The following USP24 variants were observed in gnomAD, a reference collection of about 807,000 sequenced individuals.
USP24 encodes the protein ubiquitin carboxyl-terminal hydrolase 24.
USP24 carries 97 observed loss-of-function variants against 361.6 expected under a neutral mutation model. The observed-to-expected ratio is 0.27, with a 90% CI of 0.23 to 0.32. USP24 has a LOEUF of 0.32. Among genes scored for constraint, USP24 ranks in the 10% least tolerant of loss-of-function variants. The pLI, the probability that USP24 is intolerant of heterozygous loss-of-function variation, is 1.00. For missense variants in USP24, 2,353 were observed against 3,165.6 expected (o/e 0.74, Z 6.16); for synonymous variants, 1,098 against 1,124.6 (o/e 0.98, Z 0.47).
chr1:55,114,287 G>A lies in USP24; in HGVS notation c.4509-4041C>T, dbSNP rs190894909. On this transcript the variant is annotated intron_variant, in intron 38 of 67. Coordinates refer to ENST00000294383, the MANE Select transcript of USP24 (RefSeq NM_015306.3). Reference sequence around the variant, plus strand: ...AACATTCCATGCTCGTGCCCAGGAAGAATCAATGTTGTGAAAATGGCCACG... The same window carrying A: ...AACATTCCATGCTCGTGCCCAGGAAAAATCAATGTTGTGAAAATGGCCACG... Among the ~76,000 whole-genome samples, 916 of 152,294 alleles carry A rather than the reference G, an allele frequency of 6.0e-3. 4 individuals are homozygous for A. The highest frequency in any genetic ancestry group is 0.01 in the Non-Finnish European group (681 of 68,028).
chr1:55,195,892 C>T (rs549027905), intron 1 of USP24, among the ~76,000 whole-genome samples: 1 of 152,226 alleles, frequency 6.6e-6, no homozygotes, highest in Middle Eastern at 3.4e-3. Context: ...ATATACTTAA[C>T]ACTACTGAAC....
chr1:55,170,892 A>C lies in USP24; in HGVS notation c.825+664T>G, dbSNP rs146966205. 1.6e-4 allele frequency among the ~76,000 whole-genome samples: 25 copies of C among 152,314 alleles called. No individual in the cohort carries two copies. In the East Asian group the frequency reaches 3.1e-3, roughly 19 times the overall value. On this transcript the variant is annotated intron_variant, in intron 5 of 67. Coordinates refer to ENST00000294383, the MANE Select transcript of USP24 (RefSeq NM_015306.3). ...GACAGGACTGTGTACTTATGTTTAT[A>C]CCTCAAACTTAGAATAATGCCAGAC...
intron 1 of USP24, among the ~76,000 whole-genome samples, chr1:55,182,055 T>C (rs115027667): frequency 0.016 from 2,428 of 152,302 alleles, 54 homozygotes; most frequent in African/African-American, 0.055. Context: ...ACTTCTTTTT[T>C]ATTTTTATTT....
In USP24 at chr1:55,134,152, C is replaced by T. The variant is rs570377611; in HGVS notation, c.3299G>A (p.Arg1100Gln). The T allele has an allele frequency of 7.4e-6, 12 of 1,613,476 alleles. No homozygotes were observed. Among genetic ancestry groups the T allele is most frequent in the African/African-American group, 4.0e-5 (3 of 75,016 alleles). Reference protein sequence around the residue: ...ANLEEPRITLRVRKLLLLIPT... With the variant: ...ANLEEPRITLQVRKLLLLIPT... ...TATCAAGAGCAGAAGCTTCCGTACT[C>T]GTAGAGTTATCCTGAAGTTTTTCAA... The change falls in exon 30 of 68, where the codon CGA becomes CAA. Residue 1100 changes from arginine (R) to glutamine (Q), a missense_variant. By Grantham distance (43) the Arg-to-Gln change is conservative. Transcript: ENST00000294383.
chr1:55,210,909 T>C (rs1344367755), intron 1 of USP24, among the ~76,000 whole-genome samples: 2 of 152,228 alleles, frequency 1.3e-5, no homozygotes, highest in Non-Finnish European at 2.9e-5. Context: ...TCAGTTAATA[T>C]GAAATCTCCT....
chr1:55,101,841 C>T lies in USP24; in HGVS notation c.5026-138G>A, dbSNP rs190079750. ...TGTTATGAAAGCTATGCTGGCAAAA[C>T]CTATGTTCATGAAGTACCTCTGCAG... On this transcript the variant is annotated intron_variant, in intron 42 of 67. Transcript: ENST00000294383. 3.8e-5 allele frequency: 44 copies of T among 1,143,052 alleles called. No homozygotes were observed. In the African/African-American group the frequency reaches 5.9e-4, roughly 15 times the overall value. The allele number at this position is 1,143,052 out of a possible 1,614,324, so 70.8% of individuals were successfully genotyped here.
At position 55,129,550 on chromosome 1, in the gene USP24, T is replaced by C. The variant is rs1050418623; in HGVS notation, c.3562A>G (p.Thr1188Ala). The C allele has an allele frequency of 1.1e-5, 18 of 1,613,780 alleles. No homozygotes were observed. Among genetic ancestry groups the C allele is most frequent in the Non-Finnish European group, 1.4e-5 (16 of 1,179,826 alleles). The change falls in exon 32 of 68, where the codon ACA becomes GCA. Residue 1188 changes from threonine (T) to alanine (A), a missense_variant. Coordinates refer to ENST00000294383, the MANE Select transcript of USP24 (RefSeq NM_015306.3). ...LEVLSSKLMPTADDDMARSCA... is the reference protein window; with the variant it reads ...LEVLSSKLMPAADDDMARSCA... ...CTTCTGGCCATGTCATCATCAGCTG[T>C]TGGCATGAGTTTGGAGCTTAGAACC...
At chr1:55,150,809 C>G (rs1647172617) in intron 16 of USP24, among the ~76,000 whole-genome samples, 1 of 152,094 alleles carries the variant, frequency 6.6e-6, no homozygotes, top group Admixed American at 6.6e-5. Flanking sequence ...GACGTGGTGA[C>G]AAGTTATAAG....
In USP24 at chr1:55,091,993, AACAGATTATCAAAAC is replaced by A. The variant is rs1300674461; in HGVS notation, c.6554+15_6554+29del. 3.3e-6 allele frequency: 5 copies of A among 1,524,302 alleles called. No homozygotes were observed. The highest frequency in any genetic ancestry group is 4.5e-6 in the Non-Finnish European group (5 of 1,110,088). 94.4% of individuals were successfully genotyped at this position (1,524,302 alleles called of 1,614,324 possible). ...TGAATTCACCAGTGCCCTCTGTCAC[AACAGATTATCAAAAC>A]ATATCACTTCTCACCTGAGTTTCTT... On this transcript the variant is annotated intron_variant, in intron 54 of 67. Transcript: ENST00000294383.
At chr1:55,174,401 G>T (rs891751651) in intron 3 of USP24, among the ~76,000 whole-genome samples, 3 of 152,166 alleles carry the variant, frequency 2.0e-5, no homozygotes, top group Admixed American at 6.5e-5. Context: ...TAATTGACGG[G>T]GAGGAGAACC....
At chr1:55,089,777 T>G in intron 54 of USP24, 37 bp from the exon 55 acceptor site, 1 of 1,467,794 alleles carries the variant, frequency 6.8e-7, no homozygotes, top group Non-Finnish European at 9.3e-7. Context: ...GTTAGGAGCA[T>G]AAGCCCAGCC....
At position 55,071,943 on chromosome 1, in the gene USP24, C is replaced by A. The variant is rs375110379; in HGVS notation, c.7690-19G>T. The A allele has an allele frequency of 2.5e-6, 4 of 1,589,644 alleles. No individual in the cohort carries two copies. The African/African-American group carries it at 5.4e-5, about 21-fold the overall frequency. On this transcript the variant is annotated intron_variant, in intron 66 of 67. Coordinates refer to ENST00000294383, the MANE Select transcript of USP24 (RefSeq NM_015306.3). ...ACGTGTCCTGCAGAAGATTCAAACA[C>A]AAGACGACAAAGTTAGGGCCCATTC...
intron 18 of USP24, 93 bp downstream of exon 18, chr1:55,147,556 A>C (rs1288095422): frequency 4.5e-6 from 6 of 1,347,192 alleles, no homozygotes; most frequent in African/African-American, 3.0e-5. Flanking sequence ...ACCTCTTTAT[A>C]GTTACAGCTA....
chr1:55,132,101 A>T (rs949290820), intron 31 of USP24, among the ~76,000 whole-genome samples: 1 of 152,178 alleles, frequency 6.6e-6, no homozygotes, highest in African/African-American at 2.4e-5. Flanking sequence ...AATTAAATGT[A>T]TTAAAGCTTC....
chr1:55,171,826 T>C (rs778554340), intron 4 of USP24, 148 bp from the exon 5 acceptor site: 1 of 873,620 alleles, frequency 1.1e-6, no homozygotes, highest in Non-Finnish European at 1.7e-6. Context: ...CCTTAGCTAG[T>C]GCAAAAGTGC....
At chr1:55,102,232 T>C (rs772793033) in intron 42 of USP24, among the ~76,000 whole-genome samples, 6 of 152,218 alleles carry the variant, frequency 3.9e-5, no homozygotes, top group Admixed American at 3.9e-4. Flanking sequence ...CATATTGTAA[T>C]TCCTTTTAGA....
At chr1:55,150,864 T>C (rs1647174207) in intron 16 of USP24, among the ~76,000 whole-genome samples, 1 of 152,220 alleles carries the variant, frequency 6.6e-6, no homozygotes, top group Admixed American at 6.5e-5. Context: ...AGATATCTGA[T>C]AATGTCACAG....
chr1:55,110,329 A>G (rs1299612465), intron 38 of USP24, 83 bp from the exon 39 acceptor site: 4 of 1,155,480 alleles, frequency 3.5e-6, no homozygotes, highest in Non-Finnish European at 4.7e-6. Context: ...CAAATTCATA[A>G]AACAAGTGAG....
At chr1:55,069,237 A>C in intron 67 of USP24, 130 bp from the exon 68 acceptor site, 1 of 800,684 alleles carries the variant, frequency 1.2e-6, no homozygotes. Flanking sequence ...GGGTAATAAA[A>C]TGTGATAACT....
Sources: allele counts gnomAD v4.1 joint callset (sites outside exome capture counted in the v4.1 genomes callset), GRCh38; gene constraint gnomAD v4.1.1; transcripts MANE v1.5; gene names NCBI Gene and HGNC (gene_info 2026-07-23, HGNC 2026-07-21).